TIMELESS: variants seen among roughly 807,000 people sequenced by gnomAD.
TIMELESS encodes protein timeless homolog.
In TIMELESS, 124 loss-of-function variants were observed where a neutral mutation model predicts 164.3. That is an observed-to-expected ratio of 0.75 (90% CI 0.65 to 0.88). The LOEUF (loss-of-function observed/expected upper bound fraction) is 0.88. TIMELESS is among the 40% of genes least tolerant of loss of function. The pLI is 0.00. For synonymous variants in TIMELESS, 564 were observed against 563.4 expected (o/e 1.00, Z -0.02); for missense variants, 1,422 against 1,491.4 (o/e 0.95, Z 0.77).
In TIMELESS at chr12:56,427,682, G is replaced by A. The variant is rs1258617150; in HGVS notation, c.1578+554C>T. 2.6e-5 allele frequency among the ~76,000 whole-genome samples: 4 copies of A among 152,172 alleles called. No individual in the cohort carries two copies. In the East Asian group the frequency reaches 7.7e-4, roughly 29 times the overall value. On this transcript the variant is annotated intron_variant, in intron 13 of 28. Coordinates refer to ENST00000553532, the MANE Select transcript of TIMELESS (RefSeq NM_003920.5). ...CAATCTCCACCTCCTGGATTCAAGC[G>A]ATTCTGTCTCAGCCTTCTGAGTAGC...
chr12:56,425,563 C>G (rs918882775), intron 13 of TIMELESS, among the ~76,000 whole-genome samples: 1 of 152,074 alleles, frequency 6.6e-6, no homozygotes, highest in African/African-American at 2.4e-5. Flanking sequence ...GTAAATAAAG[C>G]CTCTAATTTT....
Position 56,421,416 on chromosome 12 carries a change from C to G in TIMELESS, c.2803G>C (p.Gly935Arg). 1 of 1,614,114 alleles carries G rather than the reference C, an allele frequency of 6.2e-7. No homozygotes were observed. The highest frequency in any genetic ancestry group is 1.1e-5 in the South Asian group (1 of 91,064). ...AGCTCCCGCCGCTCAGCCACCAGCCCCAGAGCCAAGAGTTTATCCACTATT... is the reference window on the plus strand; with the variant it reads ...AGCTCCCGCCGCTCAGCCACCAGCCGCAGAGCCAAGAGTTTATCCACTATT... ...ARIVDKLLAL[G>R]LVAERRELYK... is the part of the protein sequence containing the mutation. The change falls in exon 23 of 29, where the codon GGG becomes CGG. Residue 935 changes from glycine (G) to arginine (R), a missense_variant. Transcript: ENST00000553532.
chr12:56,420,048 A>ATATATATATATATGTGTGTG (rs1473074484), intron 26 of TIMELESS, among the ~76,000 whole-genome samples: 17 of 87,330 alleles, frequency 1.9e-4, no homozygotes, highest in African/African-American at 7.5e-4. Context: ...ATATATATAT[A>ATATATATATATATGTGTGTG]TGTGTGTGTG....
In TIMELESS at chr12:56,416,954, C is replaced by A. The variant is rs1881280376; in HGVS notation, c.*762G>T. 1 of 152,084 alleles carries A rather than the reference C, an allele frequency of 6.6e-6. No individual in the cohort carries two copies. The highest frequency in any genetic ancestry group is 1.5e-5 in the Non-Finnish European group (1 of 68,058). 9.4% of individuals were successfully genotyped at this position (152,084 alleles called of 1,614,324 possible). On this transcript the variant is annotated 3_prime_UTR_variant, in exon 29 of 29. Transcript: ENST00000553532. ...GTCCAGGCCGGTCTCAAACTCCTGACCTCAGGTGATCCGCCCGCCTCAGCC... is the reference window on the plus strand; with the variant it reads ...GTCCAGGCCGGTCTCAAACTCCTGAACTCAGGTGATCCGCCCGCCTCAGCC...
At chr12:56,429,403 T>C (rs971504443) in intron 10 of TIMELESS, among the ~76,000 whole-genome samples, 1 of 152,014 alleles carries the variant, frequency 6.6e-6, no homozygotes, top group African/African-American at 2.4e-5. Context: ...TTTCACCATG[T>C]TGCAGGCTGG....
intron 1 of TIMELESS, among the ~76,000 whole-genome samples, chr12:56,440,967 G>A (rs1309518752): frequency 2.0e-5 from 3 of 146,712 alleles, no homozygotes; most frequent in Admixed American, 6.9e-5. Context: ...ACAGGCCTGT[G>A]CCACCATGCC....
At chr12:56,427,730 C>A (rs1008642908) in intron 13 of TIMELESS, among the ~76,000 whole-genome samples, 1 of 152,144 alleles carries the variant, frequency 6.6e-6, no homozygotes, top group Non-Finnish European at 1.5e-5. Context: ...TGTGCATCAA[C>A]ACGCCTGGCT....
Position 56,434,192 on chromosome 12 carries a change from G to A in TIMELESS, c.-22C>T. On this transcript the variant is annotated 5_prime_UTR_variant, in exon 2 of 29. Transcript: ENST00000553532. ...CCATACATCAGTGGACCAACCAACA[G>A]AGAAGGAAGTGGAGAAACAGGAGAC... 6.3e-7 allele frequency: 1 copy of A among 1,577,706 alleles called. No individual in the cohort carries two copies. The highest frequency in any genetic ancestry group is 1.1e-5 in the South Asian group (1 of 90,264).
chr12:56,417,829 T>C, intron 28 of TIMELESS, 43 bp from the exon 29 acceptor site: 1 of 1,613,694 alleles, frequency 6.2e-7, no homozygotes, highest in Non-Finnish European at 8.5e-7. Flanking sequence ...AATATCTAAA[T>C]ATGTTAAGGG....
At chr12:56,432,955 A>AC in intron 6 of TIMELESS, 71 bp downstream of exon 6, 1 of 615,668 alleles carries the variant, frequency 1.6e-6, no homozygotes. Flanking sequence ...CTCCGTCTCA[A>AC]AAAAAAAAAA....
At position 56,421,050 on chromosome 12, in the gene TIMELESS, C is replaced by G; in HGVS notation, c.2953G>C (p.Glu985Gln). The change falls in exon 24 of 29, where the codon GAA becomes CAA. Residue 985 changes from glutamate (E) to glutamine (Q), a missense_variant. By Grantham distance (29) the Glu-to-Gln change is conservative (BLOSUM62 2). Coordinates refer to ENST00000553532, the MANE Select transcript of TIMELESS (RefSeq NM_003920.5). ...ENLPEEDSEE[E>Q]EEGGSEAEQV... ...TCTGCTTCTGAGCCCCCTTCTTCTT[C>G]CTCTTCGCTGTCTTCCTCAGGCAGG... is the stretch of plus-strand genomic sequence containing the variant. The G allele has an allele frequency of 6.2e-7, 1 of 1,614,210 alleles. No individual in the cohort carries two copies. The highest frequency in any genetic ancestry group is 1.3e-5 in the African/African-American group (1 of 75,046).
At chr12:56,443,898 C>CT (rs1225876764) in intron 1 of TIMELESS, among the ~76,000 whole-genome samples, 5,499 of 134,804 alleles carry the variant, frequency 0.041, 380 homozygotes, top group African/African-American at 0.14. Flanking sequence ...TTTCGGTATT[C>CT]TTTTTTTTTT....
chr12:56,438,182 A>AT (rs1448892028), intron 1 of TIMELESS, among the ~76,000 whole-genome samples: 1 of 152,024 alleles, frequency 6.6e-6, no homozygotes, highest in Non-Finnish European at 1.5e-5. Context: ...AGTAGCTGGG[A>AT]TTACAGGCAT....
intron 1 of TIMELESS, among the ~76,000 whole-genome samples, chr12:56,438,324 C>A (rs542597647): frequency 6.6e-6 from 1 of 152,216 alleles, no homozygotes; most frequent in South Asian, 2.1e-4. Flanking sequence ...GGATTACAGG[C>A]GTGAGCCACC....
chr12:56,419,367 G>C (rs1881377671), intron 26 of TIMELESS, among the ~76,000 whole-genome samples: 2 of 152,038 alleles, frequency 1.3e-5, no homozygotes, highest in Admixed American at 1.3e-4. Flanking sequence ...TACTTCAGGG[G>C]TTGAAAGAAT....
In TIMELESS at chr12:56,420,050, G is replaced by A. The variant is rs11171840; in HGVS notation, c.3228+519C>T. 3.0e-3 allele frequency among the ~76,000 whole-genome samples: 209 copies of A among 69,348 alleles called. 3 individuals are homozygous for A. The highest frequency in any genetic ancestry group is 8.2e-3 in the Middle Eastern group (1 of 122). The allele number at this position is 69,348 out of a possible 152,430, so 45.5% of individuals were successfully genotyped here. ...AAAAAATATATATATATATATATAT[G>A]TGTGTGTGTGTGTGTGTGTGTATAT... is the stretch of plus-strand genomic sequence containing the variant. On this transcript the variant is annotated intron_variant, in intron 26 of 28. Coordinates refer to ENST00000553532, the MANE Select transcript of TIMELESS (RefSeq NM_003920.5).
rs1329960032 is a variant in TIMELESS at position 56,429,049 on chromosome 12, A to C, written c.1138T>G (p.Trp380Gly). 3 of 1,614,046 alleles carry C rather than the reference A, an allele frequency of 1.9e-6. No individual in the cohort carries two copies. Among genetic ancestry groups the C allele is most frequent in the Non-Finnish European group, 2.5e-6 (3 of 1,180,034 alleles). The change falls in exon 11 of 29, where the codon TGG becomes GGG. Residue 380 changes from tryptophan to glycine, a missense_variant. Physicochemically the swap from Trp to Gly is radical, Grantham distance 184. Coordinates refer to ENST00000553532, the MANE Select transcript of TIMELESS (RefSeq NM_003920.5). ...AAGGCCATGAAGAAAGCCAAGGCCC[A>C]CATATAATAGGTCTCATCATGCTGC... ...AQQHDETYYM[W>G]ALAFFMAFNR... is the part of the protein sequence containing the mutation.
At chr12:56,428,008 A>C (rs1249963923) in intron 13 of TIMELESS, among the ~76,000 whole-genome samples, 1 of 152,248 alleles carries the variant, frequency 6.6e-6, no homozygotes, top group Non-Finnish European at 1.5e-5. Context: ...GGTGTTCAAT[A>C]AATGTTTCCT....
intron 1 of TIMELESS, among the ~76,000 whole-genome samples, chr12:56,437,467 A>G (rs1215792092): frequency 6.6e-6 from 1 of 151,530 alleles, no homozygotes; most frequent in Non-Finnish European, 1.5e-5. Context: ...CCAGGCTGGC[A>G]CCCAGGAGTG....
Sources: gnomAD v4.1 joint callset for allele counts (sites outside exome capture counted in the v4.1 genomes callset) on GRCh38, gnomAD v4.1.1 for gene constraint, MANE v1.5 for transcripts, NCBI Gene and HGNC (gene_info 2026-07-23, HGNC 2026-07-21) for gene names.